Variants in KALRN observed in about 807,000 individuals in gnomAD.
The protein encoded by KALRN is kalirin.
KALRN carries 70 observed loss-of-function variants against 353.7 expected under a neutral mutation model. That is an observed-to-expected ratio of 0.20 (90% CI 0.16 to 0.24). The LOEUF (loss-of-function observed/expected upper bound fraction) is 0.24, where lower values mean the gene tolerates loss of function less well. Ranked by LOEUF, KALRN falls within the 10% of genes least tolerant of loss-of-function variation. The pLI is 1.00. For synonymous variants in KALRN, 1,391 were observed against 1,434.8 expected (o/e 0.97, Z 0.69); for missense variants, 2,791 against 3,756.7 (o/e 0.74, Z 6.72).
At chr3:124,535,235 A>G (rs978475377) in intron 33 of KALRN, among the ~76,000 whole-genome samples, 2 of 152,206 alleles carry the variant, frequency 1.3e-5, no homozygotes, top group African/African-American at 4.8e-5. Context: ...ATTAAAATAT[A>G]TAAAATGAAA....
rs2084771816 is a variant in KALRN, at chr3:124,660,824, T to C, written c.6217-99T>C. The C allele has an allele frequency of 3.6e-6, 3 of 829,746 alleles. No individual in the cohort carries two copies. In the South Asian group the frequency reaches 4.2e-5, roughly 12 times the overall value. 51.4% of individuals were successfully genotyped at this position (829,746 alleles called of 1,614,324 possible). ...TTGCCACTTCTGCTGGGAAGGAAAGTCTCCAGGGTGTTATTGTATTTTTAT... is the reference window on the plus strand; with the variant it reads ...TTGCCACTTCTGCTGGGAAGGAAAGCCTCCAGGGTGTTATTGTATTTTTAT... On this transcript the variant is annotated intron_variant, in intron 43 of 59. Coordinates refer to ENST00000682506, the MANE Select transcript of KALRN (RefSeq NM_001388419.1).
At chr3:124,592,060 G>C (rs2075830968) in intron 34 of KALRN, among the ~76,000 whole-genome samples, 1 of 152,128 alleles carries the variant, frequency 6.6e-6, no homozygotes, top group Admixed American at 6.5e-5. Flanking sequence ...CAGCACTCTG[G>C]GACGCTGAGG....
Position 124,367,544 on chromosome 3 carries a change from G to T in KALRN, c.1771-17301G>T, listed in dbSNP as rs1309959800. Among the ~76,000 whole-genome samples the T allele has an allele frequency of 1.2e-3, 109 of 87,960 alleles. 2 individuals carry two copies. The highest frequency in any genetic ancestry group is 5.1e-3 in the African/African-American group (106 of 20,778). 57.7% of individuals were successfully genotyped at this position (87,960 alleles called of 152,430 possible). ...CCCCACCTCCCTCCCGGACGGGGCG[G>T]CTGGCCGGGCAGAGGGGCTCCTCAC... is the stretch of plus-strand genomic sequence containing the variant. On this transcript the variant is annotated intron_variant, in intron 10 of 59. Coordinates refer to ENST00000682506, the MANE Select transcript of KALRN (RefSeq NM_001388419.1).
chr3:124,713,167 C>T, intron 58 of KALRN, 32 bp downstream of exon 58: 1 of 1,566,472 alleles, frequency 6.4e-7, no homozygotes, highest in Non-Finnish European at 8.7e-7. Flanking sequence ...CTAAAGTCGC[C>T]TGCATCCATT....
chr3:124,553,564 T>C (rs915011973), intron 33 of KALRN, among the ~76,000 whole-genome samples: 1 of 152,194 alleles, frequency 6.6e-6, no homozygotes, highest in African/African-American at 2.4e-5. Context: ...ACTTCTTCTC[T>C]CTCTCTAACC....
intron 34 of KALRN, among the ~76,000 whole-genome samples, chr3:124,586,911 G>A (rs1316071259): frequency 6.6e-6 from 1 of 152,124 alleles, no homozygotes. Flanking sequence ...TGAGGTGTTG[G>A]GCATGCCCTG....
chr3:124,200,172 C>T (rs2075824284), intron 1 of KALRN, among the ~76,000 whole-genome samples: 1 of 152,170 alleles, frequency 6.6e-6, no homozygotes, highest in African/African-American at 2.4e-5. Flanking sequence ...AACTGGGTTC[C>T]TAACCTGGTG....
intron 47 of KALRN, among the ~76,000 whole-genome samples, chr3:124,667,898 G>A (rs747069716): frequency 6.6e-6 from 1 of 152,152 alleles, no homozygotes; most frequent in Admixed American, 6.5e-5. Flanking sequence ...AGGGGTATGC[G>A]ATTTTAAGCT....
chr3:124,169,726 G>A (rs2150096658), intron 1 of KALRN, among the ~76,000 whole-genome samples: 1 of 152,280 alleles, frequency 6.6e-6, no homozygotes, highest in East Asian at 1.9e-4. Context: ...GTGTTTGTGA[G>A]AGAGACACAG....
At chr3:124,138,349 G>A (rs1259172891) in intron 1 of KALRN, among the ~76,000 whole-genome samples, 1 of 152,122 alleles carries the variant, frequency 6.6e-6, no homozygotes, top group Non-Finnish European at 1.5e-5. Flanking sequence ...GGGAGGGGAG[G>A]CTCTCTGTGC....
chr3:124,392,256 G>T lies in KALRN; in HGVS notation c.1963-2879G>T, dbSNP rs1240917543. On this transcript the variant is annotated intron_variant, in intron 11 of 59. Transcript: ENST00000682506. ...AAAAAAATTTTTTTATAGATGCTGG[G>T]TCTTACCATGTTGTCTAAGCTAAAA... Among the ~76,000 whole-genome samples, 2 of 151,984 alleles carry T rather than the reference G, an allele frequency of 1.3e-5. 1 individual carries two copies. Among genetic ancestry groups the T allele is most frequent in the African/African-American group, 4.8e-5 (2 of 41,378 alleles).
At position 124,671,747 on chromosome 3, in the gene KALRN, C is replaced by G. The variant is rs377636885; in HGVS notation, c.6791C>G (p.Pro2264Arg). 89 of 1,614,154 alleles carry G rather than the reference C, an allele frequency of 5.5e-5. No homozygotes were observed. The highest frequency in any genetic ancestry group is 4.8e-4 in the African/African-American group (36 of 75,048). ...CCTGCCAGGCTTCCCCAAGCCAGCC[C>G]CAGGCCCTACTCCTCTGTTCCTGCG... ...SQPARLPQAS[P>R]RPYSSVPAGS... Residue 2264 changes from proline (P) to arginine (R), a missense_variant, in exon 48 of 60, where the codon CCC becomes CGC. Around this residue, in one of 11 missense-constraint regions of KALRN, gnomAD observed 1,065 missense variants for 1,156.4 expected, o/e 0.92. Coordinates refer to ENST00000682506, the MANE Select transcript of KALRN (RefSeq NM_001388419.1).
chr3:124,592,359 C>T (rs1287451320), intron 34 of KALRN, among the ~76,000 whole-genome samples: 2 of 150,766 alleles, frequency 1.3e-5, no homozygotes, highest in Non-Finnish European at 3.0e-5. Flanking sequence ...GCCTACATAT[C>T]CCTAAGTTAT....
intron 5 of KALRN, among the ~76,000 whole-genome samples, chr3:124,279,210 A>G (rs1406055980): frequency 1.3e-5 from 2 of 152,184 alleles, no homozygotes; most frequent in African/African-American, 4.8e-5. Context: ...CTGCTGGGCC[A>G]CTTGTAGCTG....
intron 49 of KALRN, chr3:124,675,260 G>C (rs557688010): frequency 6.6e-6 from 1 of 152,220 alleles, no homozygotes; most frequent in East Asian, 1.9e-4. Context: ...ACACATTCCT[G>C]TATAAAGTAT....
At chr3:124,569,195 C>G (rs1185837743) in intron 34 of KALRN, among the ~76,000 whole-genome samples, 1 of 152,126 alleles carries the variant, frequency 6.6e-6, no homozygotes, top group Non-Finnish European at 1.5e-5. Flanking sequence ...GAAGCAGATG[C>G]TCTAGAGGAG....
rs551869197 is a variant in KALRN at position 124,237,366 on chromosome 3, C to CTTTTTTTTT, written c.263+2429_263+2437dup. Among the ~76,000 whole-genome samples the CTTTTTTTTT allele has an allele frequency of 7.6e-4, 103 of 135,614 alleles. 2 individuals carry two copies. Among genetic ancestry groups the CTTTTTTTTT allele is most frequent in the East Asian group, 6.7e-3 (25 of 3,730 alleles). 89.0% of individuals were successfully genotyped at this position (135,614 alleles called of 152,430 possible). On this transcript the variant is annotated intron_variant, in intron 3 of 59. Coordinates refer to ENST00000682506, the MANE Select transcript of KALRN (RefSeq NM_001388419.1). The stretch of plus-strand genomic sequence containing the variant: ...GTAGGTGACATTTGATCATTTGATG[C>CTTTTTTTTT]TTTTTTTTTTTTTTGAGACTGAGTC...
intron 34 of KALRN, among the ~76,000 whole-genome samples, chr3:124,569,942 AG>A (rs1409405851): frequency 6.6e-6 from 1 of 152,236 alleles, no homozygotes; most frequent in Non-Finnish European, 1.5e-5. Context: ...TCTGGACAGC[AG>A]GCTGAGCTTA....
intron 10 of KALRN, among the ~76,000 whole-genome samples, chr3:124,370,059 TA>T (rs1331084789): frequency 1.3e-5 from 2 of 151,966 alleles, no homozygotes; most frequent in African/African-American, 4.8e-5. Context: ...GAATTAAAAA[TA>T]AAAAAATATA....
Sources: gnomAD v4.1 joint callset for allele counts (sites outside exome capture counted in the v4.1 genomes callset) on GRCh38, gnomAD v4.1.1 for gene constraint, gnomAD v4.1.1 regional missense constraint, MANE v1.5 for transcripts, NCBI Gene and HGNC (gene_info 2026-07-23, HGNC 2026-07-21) for gene names.